The following SOS1 variants were observed in gnomAD, a reference collection of about 807,000 sequenced individuals.
SOS1 encodes son of sevenless homolog 1.
SOS1 carries 25 observed loss-of-function variants against 157.6 expected under a neutral mutation model. That is an observed-to-expected ratio of 0.16 (90% CI 0.12 to 0.22). The LOEUF is 0.22. Ranked by LOEUF, SOS1 falls within the 10% of genes least tolerant of loss-of-function variation. The probability of loss-of-function intolerance (pLI) is 1.00; values close to 1 mark genes in which losing one functional copy is unlikely to be tolerated. For missense variants in SOS1, 1,237 were observed against 1,599.1 expected (o/e 0.77, Z 3.86); for synonymous variants, 528 against 534.0 (o/e 0.99, Z 0.16).
intron 6 of SOS1, among the ~76,000 whole-genome samples, chr2:39,049,341 T>C (rs1470281542): frequency 6.6e-6 from 1 of 151,372 alleles, no homozygotes; most frequent in African/African-American, 2.5e-5. Flanking sequence ...GTCCAGCAAA[T>C]GTTATACTAC....
Position 38,995,160 on chromosome 2 carries a change from A to G in SOS1, c.3309T>C (p.Ser1103=), listed in dbSNP as rs1158199251. ...SGASSTTDVC[S]VFDSDHSSPF... Reference sequence around the variant, plus strand: ...GGCTCGAATGATCGGAATCAAATACACTGCAAACATCTGTGGTACTGGAAG... The same window carrying G: ...GGCTCGAATGATCGGAATCAAATACGCTGCAAACATCTGTGGTACTGGAAG... The change falls in exon 20 of 23, where the codon AGT becomes AGC. Residue 1103 remains serine, a synonymous_variant. Transcript: ENST00000402219. 1 of 1,614,006 alleles carries G rather than the reference A, an allele frequency of 6.2e-7. No homozygotes were observed. The highest frequency in any genetic ancestry group is 2.2e-5 in the East Asian group (1 of 44,874).
chr2:39,074,378 C>T (rs1365411733), intron 1 of SOS1, among the ~76,000 whole-genome samples: 1 of 143,518 alleles, frequency 7.0e-6, no homozygotes, highest in Non-Finnish European at 1.5e-5. Flanking sequence ...AAAAAATAGA[C>T]CAGCCTGGCC....
chr2:38,989,405 T>C (rs891084514), intron 20 of SOS1, 91 bp from the exon 21 acceptor site: 15 of 804,494 alleles, frequency 1.9e-5, no homozygotes, highest in Non-Finnish European at 3.0e-5. Context: ...GAAAATGTTA[T>C]TGTCATTGTC....
intron 21 of SOS1, among the ~76,000 whole-genome samples, 177 bp downstream of exon 21, chr2:38,989,093 T>C (rs1668640319): frequency 6.6e-6 from 1 of 152,150 alleles, no homozygotes; most frequent in African/African-American, 2.4e-5. Flanking sequence ...AATATATAAA[T>C]TTAAGCAAAT....
chr2:39,000,129 T>G (rs191889355), intron 17 of SOS1, among the ~76,000 whole-genome samples: 9 of 152,298 alleles, frequency 5.9e-5, no homozygotes, highest in Admixed American at 5.9e-4. Flanking sequence ...GACTCACAGC[T>G]TTGTTCTTGA....
intron 1 of SOS1, among the ~76,000 whole-genome samples, chr2:39,082,013 G>A (rs1269577927): frequency 6.6e-6 from 1 of 152,008 alleles, no homozygotes; most frequent in African/African-American, 2.4e-5. Context: ...CATGGTAAAT[G>A]GGGTATCCAT....
chr2:39,105,075 C>T (rs1054608258), intron 1 of SOS1, among the ~76,000 whole-genome samples: 3 of 152,040 alleles, frequency 2.0e-5, no homozygotes, highest in African/African-American at 7.2e-5. Flanking sequence ...TAGAAATCAG[C>T]CCTAGCAAAG....
chr2:39,064,742 ATTTTTTTTTTT>A (rs4015841), intron 2 of SOS1, among the ~76,000 whole-genome samples: 16 of 74,816 alleles, frequency 2.1e-4, no homozygotes, highest in East Asian at 4.4e-4. Flanking sequence ...TTTAAAATAC[ATTTTTTTTTTT>A]TTTTTTTTTT....
At chr2:39,065,196 A>G (rs1263594018) in intron 2 of SOS1, among the ~76,000 whole-genome samples, 2 of 152,204 alleles carry the variant, frequency 1.3e-5, no homozygotes, top group Non-Finnish European at 1.5e-5. Context: ...TTAAAGAAAT[A>G]CCGAATCCTA....
intron 5 of SOS1, among the ~76,000 whole-genome samples, chr2:39,052,741 G>A (rs1671063568): frequency 6.6e-6 from 1 of 152,170 alleles, no homozygotes. Context: ...TACAAATAAA[G>A]CCGCTATGAA....
intron 1 of SOS1, chr2:39,098,018 C>A (rs1672834235): frequency 6.6e-6 from 1 of 152,332 alleles, no homozygotes; most frequent in African/African-American, 2.4e-5. Flanking sequence ...TTTAGAAACA[C>A]TGGGCATCAT....
intron 15 of SOS1, among the ~76,000 whole-genome samples, chr2:39,007,883 C>A (rs148793166): frequency 6.6e-6 from 1 of 152,164 alleles, no homozygotes; most frequent in African/African-American, 2.4e-5. Context: ...GCCCTGAGAG[C>A]AAATGGCAAA....
At chr2:39,122,445 TATACACACACACAC>T (rs1392047210), upstream of SOS1, among the ~76,000 whole-genome samples, 1 of 28,762 alleles carries the variant, frequency 3.5e-5, no homozygotes, top group Non-Finnish European at 6.2e-5. Flanking sequence ...CAAAAAAAAA[TATACACACACACAC>T]ACACACACAC....
At chr2:39,079,440 A>T (rs1205057860) in intron 1 of SOS1, among the ~76,000 whole-genome samples, 1 of 152,074 alleles carries the variant, frequency 6.6e-6, no homozygotes, top group Non-Finnish European at 1.5e-5. Context: ...GAAGGGAAAG[A>T]AGATGTAATC....
At chr2:39,049,985 G>A (rs1670949122) in intron 6 of SOS1, among the ~76,000 whole-genome samples, 1 of 152,246 alleles carries the variant, frequency 6.6e-6, no homozygotes, top group South Asian at 2.1e-4. Context: ...AGATACCAGA[G>A]TTCACTACCT....
intron 1 of SOS1, among the ~76,000 whole-genome samples, chr2:39,115,781 T>A (rs570432559): frequency 6.4e-4 from 98 of 152,322 alleles, no homozygotes; most frequent in African/African-American, 2.3e-3. Flanking sequence ...ACTGTTTGTA[T>A]CACAATTTGC....
intron 15 of SOS1, among the ~76,000 whole-genome samples, chr2:39,010,167 T>C (rs557868443): frequency 6.6e-6 from 1 of 151,890 alleles, no homozygotes; most frequent in East Asian, 1.9e-4. Flanking sequence ...AATACTAAAA[T>C]TAGCTGGGTG....
intron 9 of SOS1, chr2:39,023,670 G>A (rs771979919): frequency 7.3e-6 from 2 of 274,186 alleles, no homozygotes; most frequent in Non-Finnish European, 6.9e-6. Context: ...AATGCCTCAA[G>A]TTATATAATC....
intron 17 of SOS1, among the ~76,000 whole-genome samples, chr2:38,999,149 G>T (rs1003374705): frequency 6.6e-6 from 1 of 152,234 alleles, no homozygotes; most frequent in Non-Finnish European, 1.5e-5. Flanking sequence ...GAAGTGTAAT[G>T]AGTAGAATAA....
Sources: gnomAD v4.1 joint callset for allele counts (sites outside exome capture counted in the v4.1 genomes callset) on GRCh38, gnomAD v4.1.1 for gene constraint, MANE v1.5 for transcripts, NCBI Gene and HGNC (gene_info 2026-07-23, HGNC 2026-07-21) for gene names.